The following ZNF385D variants were observed in gnomAD, a reference collection of about 807,000 sequenced individuals.
ZNF385D encodes the protein zinc finger protein 385D, also known as zinc finger protein 659.
In ZNF385D, 15 loss-of-function variants were observed where a neutral mutation model predicts 35.8. The ratio of observed to expected loss-of-function variants is 0.42; its 90% CI spans 0.28 to 0.64. The LOEUF (loss-of-function observed/expected upper bound fraction) is 0.64, where lower values mean the gene tolerates loss of function less well. Ranked by LOEUF, ZNF385D falls within the 30% of genes least tolerant of loss-of-function variation. The pLI, the probability that ZNF385D is intolerant of heterozygous loss-of-function variation, is 0.23. For missense variants in ZNF385D, 474 were observed against 494.6 expected, an observed-to-expected ratio of 0.96 and a Z score of 0.39; for synonymous variants, 212 against 186.8, an observed-to-expected ratio of 1.13 and a Z score of -1.10.
chr3:21,730,350 TTGTC>T (rs1252683348), intron 1 of ZNF385D, among the ~76,000 whole-genome samples: 1 of 152,234 alleles, frequency 6.6e-6, no homozygotes, highest in Non-Finnish European at 1.5e-5. Context: ...CTCTCCAACA[TTGTC>T]TGGGCAAAAG....
chr3:21,740,003 A>G (rs2069433465), intron 1 of ZNF385D, among the ~76,000 whole-genome samples: 1 of 152,182 alleles, frequency 6.6e-6, no homozygotes, highest in Non-Finnish European at 1.5e-5. Flanking sequence ...CAGTCTTGAG[A>G]GTTGAATCTA....
At chr3:21,547,117 A>G (rs2062401016) in intron 3 of ZNF385D, among the ~76,000 whole-genome samples, 1 of 152,102 alleles carries the variant, frequency 6.6e-6, no homozygotes, top group Non-Finnish European at 1.5e-5. Context: ...TTCTCCTCGG[A>G]TCCTCTCTTC....
At chr3:21,984,451 G>A (rs1484778278) in intron 3 of ZNF385D, among the ~76,000 whole-genome samples, 2 of 132,302 alleles carry the variant, frequency 1.5e-5, no homozygotes, top group African/African-American at 6.2e-5. Context: ...GTTTTTCTCA[G>A]GTTTGTCAAA....
chr3:21,712,555 T>A (rs115696118), intron 1 of ZNF385D, among the ~76,000 whole-genome samples: 5,106 of 152,206 alleles, frequency 0.034, 152 homozygotes, highest in South Asian at 0.1. Flanking sequence ...AAACTTTTTT[T>A]AAAAAAAGTC....
At chr3:22,041,904 G>T (rs1227468866) in intron 3 of ZNF385D, among the ~76,000 whole-genome samples, 2 of 152,038 alleles carry the variant, frequency 1.3e-5, no homozygotes, top group African/African-American at 4.8e-5. Flanking sequence ...ATTGAAGAAA[G>T]AATTTCATAG....
chr3:22,249,841 A>C (rs967348806), intron 2 of ZNF385D, among the ~76,000 whole-genome samples: 6 of 152,278 alleles, frequency 3.9e-5, no homozygotes, highest in African/African-American at 1.4e-4. Context: ...CTGAAACAAG[A>C]GATGGATGTA....
At chr3:21,761,022 T>C (rs1296677548) in intron 3 of ZNF385D, among the ~76,000 whole-genome samples, 2 of 152,196 alleles carry the variant, frequency 1.3e-5, no homozygotes, top group Non-Finnish European at 2.9e-5. Context: ...TTCTCTCTTT[T>C]GTATCATACA....
intron 3 of ZNF385D, among the ~76,000 whole-genome samples, chr3:21,758,785 T>G (rs1274199861): frequency 1.3e-5 from 2 of 151,778 alleles, no homozygotes; most frequent in Non-Finnish European, 2.9e-5. Flanking sequence ...CTTCAGAAAG[T>G]TGTGTATATT....
chr3:22,138,514 A>T (rs866516132), intron 3 of ZNF385D, among the ~76,000 whole-genome samples: 2 of 151,716 alleles, frequency 1.3e-5, no homozygotes, highest in Non-Finnish European at 2.9e-5. Flanking sequence ...ATAATGCCAC[A>T]TATCTACAAC....
chr3:22,282,760 A>G (rs1000508712), intron 2 of ZNF385D, among the ~76,000 whole-genome samples: 1 of 152,108 alleles, frequency 6.6e-6, no homozygotes, highest in Non-Finnish European at 1.5e-5. Context: ...CACAGGACCT[A>G]TAAAATTATA....
Position 21,982,797 on chromosome 3 carries a change from C to G in ZNF385D, c.325+186020G>C, listed in dbSNP as rs541691685. ...TATTTAGAGTTGTTAACATGAAGGG[C>G]TGTTGAATTTTATTGAAAGCCTTTT... On this transcript the variant is annotated intron_variant, in intron 3 of 5. Transcript: ENST00000494108. Among the ~76,000 whole-genome samples the G allele has an allele frequency of 1.5e-4, 21 of 140,804 alleles. 1 individual carries two copies. Among genetic ancestry groups the G allele is most frequent in the African/African-American group, 4.7e-4 (17 of 35,880 alleles). The allele number at this position is 140,804 out of a possible 152,430, so 92.4% of individuals were successfully genotyped here. A position where few individuals can be genotyped will look rare whatever the true frequency, so the allele number is the denominator to read the frequency against.
At chr3:21,534,587 T>C (rs981926237) in intron 3 of ZNF385D, among the ~76,000 whole-genome samples, 1 of 152,122 alleles carries the variant, frequency 6.6e-6, no homozygotes, top group Admixed American at 6.5e-5. Context: ...TGAGGAGACC[T>C]CTTTTCCTAA....
rs115632120 is a variant in ZNF385D at position 21,660,337 on chromosome 3, C to G, written c.165+4549G>C. Reference sequence around the variant, plus strand: ...CTCTACTTCCTATGTGACCTCCTCACTCTTCCTTGTGCATATCCTAGAAGG... The same window carrying G: ...CTCTACTTCCTATGTGACCTCCTCAGTCTTCCTTGTGCATATCCTAGAAGG... On this transcript the variant is annotated intron_variant, in intron 2 of 7. Transcript: ENST00000281523. Among the ~76,000 whole-genome samples the G allele has an allele frequency of 7.7e-3, 1,178 of 152,266 alleles. 13 individuals are homozygous for G. The highest frequency in any genetic ancestry group is 0.027 in the African/African-American group (1,124 of 41,556).
chr3:21,593,813 G>C (rs1456036560), intron 2 of ZNF385D, among the ~76,000 whole-genome samples: 1 of 148,260 alleles, frequency 6.7e-6, no homozygotes, highest in African/African-American at 2.5e-5. Flanking sequence ...CTAAGAAACT[G>C]TTGAAAAATA....
At chr3:21,634,161 C>T (rs892520135) in intron 2 of ZNF385D, among the ~76,000 whole-genome samples, 2 of 151,754 alleles carry the variant, frequency 1.3e-5, no homozygotes, top group African/African-American at 4.8e-5. Context: ...CATGCCACTG[C>T]ACTCCAACCT....
intron 2 of ZNF385D, among the ~76,000 whole-genome samples, chr3:22,183,149 G>A (rs1356556597): frequency 2.6e-5 from 4 of 152,040 alleles, no homozygotes; most frequent in Admixed American, 6.6e-5. Context: ...AAAATAATGA[G>A]TTAAAACTAT....
At chr3:21,550,196 C>T (rs534391572) in intron 3 of ZNF385D, among the ~76,000 whole-genome samples, 10 of 152,144 alleles carry the variant, frequency 6.6e-5, no homozygotes, top group African/African-American at 2.4e-4. Context: ...CCAATACAAC[C>T]ATTATTGGTT....
At chr3:21,898,871 C>T (rs4858369) in intron 3 of ZNF385D, among the ~76,000 whole-genome samples, 4,951 of 152,186 alleles carry the variant, frequency 0.033, 615 homozygotes, top group Admixed American at 0.22. Flanking sequence ...TTTTTCCCTA[C>T]GCATCTCCAG....
Position 22,346,803 on chromosome 3 carries a change from G to A in ZNF385D, c.106+25647C>T, listed in dbSNP as rs569629831. ...AATACAGACAAGGGAGTTTTCTAAT[G>A]TGTCGATGGTAAATGCAAACTACCA... On this transcript the variant is annotated intron_variant, in intron 2 of 5. Transcript: ENST00000494108. Among the ~76,000 whole-genome samples, 5 of 152,240 alleles carry A rather than the reference G, an allele frequency of 3.3e-5. No homozygotes were observed. The South Asian group carries it at 1.0e-3, about 32-fold the overall frequency.
Sources: allele counts gnomAD v4.1 joint callset (sites outside exome capture counted in the v4.1 genomes callset), GRCh38; gene constraint gnomAD v4.1.1; transcripts MANE v1.5; gene names NCBI Gene and HGNC (gene_info 2026-07-23, HGNC 2026-07-21).